The following TNK2 variants were observed in gnomAD, a reference collection of about 807,000 sequenced individuals.
TNK2 encodes the protein tyrosine kinase non receptor 2.
In TNK2, 83 loss-of-function variants were observed where a neutral mutation model predicts 101.8. That is an observed-to-expected ratio of 0.82 (90% CI 0.68 to 0.98). The LOEUF is 0.98. TNK2 is among the 50% of genes least tolerant of loss of function. The pLI is 0.00. For missense variants in TNK2, 1,665 were observed against 1,483.2 expected (o/e 1.12, Z -2.01); for synonymous variants, 804 against 633.0 (o/e 1.27, Z -4.06).
chr3:195,870,843 G>A (rs868118924), intron 10 of TNK2, among the ~76,000 whole-genome samples: 1 of 152,222 alleles, frequency 6.6e-6, no homozygotes, highest in African/African-American at 2.4e-5. Context: ...CCCTTGCTGG[G>A]TTCTTTTTAG....
In TNK2 at chr3:195,886,830, CCCT is replaced by C. The variant is rs1755823165; in HGVS notation, c.234+144_234+146del. 1 of 847,554 alleles carries C rather than the reference CCCT, an allele frequency of 1.2e-6. No homozygotes were observed. The highest frequency in any genetic ancestry group is 1.5e-5 in the South Asian group (1 of 67,518). 52.5% of individuals were successfully genotyped at this position (847,554 alleles called of 1,614,324 possible). ...TCTACAAGTGCCCTGCCCGATAAGA[CCCT>C]GGACGAGGGGGTCCTGTACAAAGTG... On this transcript the variant is annotated intron_variant, in intron 3 of 15. Transcript: ENST00000672887. This position sits in a 1 kb window ranked among gnomAD's most constrained non-coding sequence, Gnocchi z 4.2.
At chr3:195,900,584 T>C (rs1359742551) in intron 1 of TNK2, among the ~76,000 whole-genome samples, 1 of 152,124 alleles carries the variant, frequency 6.6e-6, no homozygotes, top group African/African-American at 2.4e-5. Flanking sequence ...AGGGCCCTAA[T>C]GTGCTCCTGG....
rs369149106 is a variant in TNK2, at chr3:195,888,228, C to T, written c.163+198G>A. On this transcript the variant is annotated intron_variant, in intron 2 of 15. Coordinates refer to ENST00000672887, the MANE Select transcript of TNK2 (RefSeq NM_001382273.1). The surrounding 1 kb of genome is among the most constrained non-coding windows in gnomAD (Gnocchi z 5.3). ...CCTGTGTAGCCAGCTTTAGGGAAGG[C>T]CTCACTCTCCTCAAACTCCAATTCA... 2.6e-5 allele frequency among the ~76,000 whole-genome samples: 4 copies of T among 152,230 alleles called. No homozygotes were observed. In the East Asian group the frequency reaches 5.8e-4, roughly 22 times the overall value.
intron 6 of TNK2, 135 bp from the exon 7 acceptor site, chr3:195,879,310 C>T: frequency 7.3e-7 from 1 of 1,378,880 alleles, no homozygotes; most frequent in South Asian, 1.4e-5. Flanking sequence ...CTCAGGGGCG[C>T]CGTGTGAAGC....
intron 15 of TNK2, 111 bp from the exon 16 acceptor site, chr3:195,864,298 C>G (rs1739073762): frequency 8.4e-7 from 1 of 1,189,282 alleles, no homozygotes; most frequent in South Asian, 1.3e-5. Context: ...CTGGCAGTCC[C>G]CGGCAAGGAC....
chr3:195,879,197 G>A, intron 6 of TNK2, 22 bp from the exon 7 acceptor site: 1 of 1,612,164 alleles, frequency 6.2e-7, no homozygotes, highest in Non-Finnish European at 8.5e-7. Context: ...AGGGGTCAAA[G>A]AGAAGCCCTC....
chr3:195,891,837 G>A, intron 1 of TNK2: 9 of 838,628 alleles, frequency 1.1e-5, no homozygotes, highest in Non-Finnish European at 1.3e-5. Flanking sequence ...GGGAGACCCA[G>A]AGGCCCCTCC....
At chr3:195,891,095 ATTAACT>A (rs1560534480) in intron 1 of TNK2, among the ~76,000 whole-genome samples, 1 of 152,228 alleles carries the variant, frequency 6.6e-6, no homozygotes, top group Non-Finnish European at 1.5e-5. Context: ...ATATATTTCT[ATTAACT>A]TTATTTAAGA....
chr3:195,878,932 A>G lies in TNK2; in HGVS notation c.1014+117T>C. On this transcript the variant is annotated intron_variant, in intron 7 of 15. Coordinates refer to ENST00000672887, the MANE Select transcript of TNK2 (RefSeq NM_001382273.1). This position sits in a 1 kb window ranked among gnomAD's most constrained non-coding sequence, Gnocchi z 4.7. ...GGAGGCACGGGAAGTGGGGGGAGGC[A>G]CGGGGCGTGGGAGGAGGGAGTCCAT... The G allele has an allele frequency of 1.3e-6, 2 of 1,494,100 alleles. No homozygotes were observed. The highest frequency in any genetic ancestry group is 2.5e-5 in the South Asian group (2 of 80,278). 92.6% of individuals were successfully genotyped at this position (1,494,100 alleles called of 1,614,324 possible). A position where few individuals can be genotyped will look rare whatever the true frequency, so the allele number is the denominator to read the frequency against.
At position 195,883,266 on chromosome 3, in the gene TNK2, T is replaced by A; in HGVS notation, c.500A>T (p.Gln167Leu). The part of the protein sequence containing the change: ...VKCLKPDVLS[Q>L]PEAMDDFIRE... ...GATGAAGTCGTCCATGGCTTCTGGC[T>A]GGCTCAGGACATCGGGCTTCAGGCA... is the stretch of plus-strand genomic sequence containing the variant. Residue 167 changes from glutamine to leucine, a missense_variant, in exon 5 of 16, where the codon CAG becomes CTG. Gln to Leu is a moderately radical substitution (Grantham distance 113). Coordinates refer to ENST00000672887, the MANE Select transcript of TNK2 (RefSeq NM_001382273.1). 1.9e-6 allele frequency: 3 copies of A among 1,613,536 alleles called. No homozygotes were observed. Among genetic ancestry groups the A allele is most frequent in the Non-Finnish European group, 2.5e-6 (3 of 1,180,034 alleles).
In TNK2 at chr3:195,900,163, G is replaced by A. The variant is rs190693922; in HGVS notation, c.-19+8322C>T. 1.4e-3 allele frequency among the ~76,000 whole-genome samples: 218 copies of A among 152,234 alleles called. 2 individuals are homozygous for A. Among genetic ancestry groups the A allele is most frequent in the Admixed American group, 3.1e-3 (47 of 15,290 alleles). ...GTCTTAAGGAAGGTGCCTTCTCATC[G>A]GACTGCGAAGGGGTGCTGGGGCGCG... On this transcript the variant is annotated intron_variant, in intron 1 of 15. Coordinates refer to ENST00000672887, the MANE Select transcript of TNK2 (RefSeq NM_001382273.1).
Position 195,894,905 on chromosome 3 carries a change from A to G in TNK2, c.-18-6299T>C, listed in dbSNP as rs111881029. Among the ~76,000 whole-genome samples, 264 of 152,340 alleles carry G rather than the reference A, an allele frequency of 1.7e-3. 4 individuals are homozygous for G. Among genetic ancestry groups the G allele is most frequent in the African/African-American group, 6.0e-3 (251 of 41,578 alleles). ...CATCTGGCTTGATATTCATATTCAG[A>G]AGCCTAGTAAACGGGAATGCCCAGG... On this transcript the variant is annotated intron_variant, in intron 1 of 15. Transcript: ENST00000672887.
chr3:195,869,506 A>AG lies in TNK2; in HGVS notation c.1578dup (p.Phe527LeufsTer8), dbSNP rs1446183717. 6.4e-7 allele frequency: 1 copy of AG among 1,550,950 alleles called. No homozygotes were observed. The highest frequency in any genetic ancestry group is 1.2e-5 in the South Asian group (1 of 84,054). ...AAGCAGCCCCACTTACTCTGAGTGA[A>AG]GAAGGCAGGCTGAGGTGGGCGAGGT... is the stretch of plus-strand genomic sequence containing the variant. On this transcript the variant is annotated frameshift_variant, in exon 12 of 16. Transcript: ENST00000672887. LOFTEE classifies it high-confidence loss of function.
chr3:195,890,555 A>G (rs1319284792), intron 1 of TNK2, among the ~76,000 whole-genome samples: 2 of 149,656 alleles, frequency 1.3e-5, no homozygotes, highest in Non-Finnish European at 3.0e-5. Flanking sequence ...GGTTCAGGCA[A>G]TTCTCCCGCC....
chr3:195,878,359 G>A lies in TNK2; in HGVS notation c.1162-12C>T. ...TCTGTGGGCTGGGCCTGGAGGAAGA[G>A]GAAGGTCGTGGCCAACTCTGGGACT... On this transcript the variant is annotated splice_polypyrimidine_tract_variant and intron_variant, in intron 8 of 15. Coordinates refer to ENST00000672887, the MANE Select transcript of TNK2 (RefSeq NM_001382273.1). The surrounding 1 kb of genome is among the most constrained non-coding windows in gnomAD (Gnocchi z 4.7). 1 of 1,614,044 alleles carries A rather than the reference G, an allele frequency of 6.2e-7. No individual in the cohort carries two copies. Among genetic ancestry groups the A allele is most frequent in the South Asian group, 1.1e-5 (1 of 91,092 alleles).
In TNK2 at chr3:195,886,148, A is replaced by G. The variant is rs1365777158; in HGVS notation, c.234+829T>C. 6.5e-6 allele frequency: 1 copy of G among 153,316 alleles called. No homozygotes were observed. 9.5% of individuals were successfully genotyped at this position (153,316 alleles called of 1,614,324 possible). On this transcript the variant is annotated intron_variant, in intron 3 of 15. Coordinates refer to ENST00000672887, the MANE Select transcript of TNK2 (RefSeq NM_001382273.1). The surrounding 1 kb of genome is among the most constrained non-coding windows in gnomAD (Gnocchi z 4.2). Reference sequence around the variant, plus strand: ...ATCAGGAGCCAGTGGCAGATCCAAGACCCCTAAATCTCAGCAAACCACGCT... The same window carrying G: ...ATCAGGAGCCAGTGGCAGATCCAAGGCCCCTAAATCTCAGCAAACCACGCT...
In TNK2 at chr3:195,892,647, G is replaced by C. The variant is rs191272776; in HGVS notation, c.-18-4041C>G. On this transcript the variant is annotated intron_variant, in intron 1 of 15. Transcript: ENST00000672887. Reference sequence around the variant, plus strand: ...TCCGCTCTGCTGCAAGCCCCGCTGGGTTTCCACAGCTGGCCGGTCTGGCAG... The same window carrying C: ...TCCGCTCTGCTGCAAGCCCCGCTGGCTTTCCACAGCTGGCCGGTCTGGCAG... The C allele has an allele frequency of 1.6e-4, 221 of 1,423,082 alleles. 1 individual carries two copies. In the African/African-American group the frequency reaches 3.0e-3, roughly 20 times the overall value. The allele number at this position is 1,423,082 out of a possible 1,614,324, so 88.2% of individuals were successfully genotyped here. A position where few individuals can be genotyped will look rare whatever the true frequency, so the allele number is the denominator to read the frequency against.
rs1163181869 is a variant in TNK2 at position 195,866,971 on chromosome 3, G to A, written c.3079C>T (p.His1027Tyr). 1 of 1,613,128 alleles carries A rather than the reference G, an allele frequency of 6.2e-7. No homozygotes were observed. Among genetic ancestry groups the A allele is most frequent in the Admixed American group, 1.7e-5 (1 of 60,016 alleles). The change falls in exon 15 of 16, where the codon CAC becomes TAC. Residue 1027 changes from histidine to tyrosine, a missense_variant. Physicochemically the swap from His to Tyr is moderately conservative, Grantham distance 83. Around this residue, in one of 3 missense-constraint regions of TNK2, gnomAD observed 1,136 missense variants for 894.9 expected, o/e 1.27. Coordinates refer to ENST00000672887, the MANE Select transcript of TNK2 (RefSeq NM_001382273.1). ...CAGTCGAACATCTCCAGCACTTTGTGGCACTCCCCTCTGGGCCGCAGACCC... is the reference window on the plus strand; with the variant it reads ...CAGTCGAACATCTCCAGCACTTTGTAGCACTCCCCTCTGGGCCGCAGACCC... Reference protein sequence around the residue: ...GLGLRPRGECHKVLEMFDWNL... With the variant: ...GLGLRPRGECYKVLEMFDWNL...
In TNK2 at chr3:195,870,274, G is replaced by A. The variant is rs541519491; in HGVS notation, c.1452-69C>T. On this transcript the variant is annotated intron_variant, in intron 10 of 15. Transcript: ENST00000672887. ...GGAGGGGTGGCAGAATCTCATCAGA[G>A]CCCCTTCGTCCTGGAGGAAACCGGG... 1,118 of 1,588,680 alleles carry A rather than the reference G, an allele frequency of 7.0e-4. 9 individuals carry two copies. Among genetic ancestry groups the A allele is most frequent in the Middle Eastern group, 3.4e-4 (2 of 5,940 alleles).
Sources: gnomAD v4.1 joint callset for allele counts (sites outside exome capture counted in the v4.1 genomes callset) on GRCh38, gnomAD v4.1.1 for gene constraint, gnomAD v4.1.1 regional missense constraint, Gnocchi (gnomAD v3.1) non-coding constraint, MANE v1.5 for transcripts, NCBI Gene and HGNC (gene_info 2026-07-23, HGNC 2026-07-21) for gene names.